NDRG2: variants seen among roughly 807,000 people sequenced by gnomAD.
NDRG2 encodes protein NDRG2.
In NDRG2, 34 loss-of-function variants were observed where a neutral mutation model predicts 58.2. The observed-to-expected ratio is 0.58, with a 90% CI of 0.44 to 0.78. The LOEUF is 0.78. Ranked by LOEUF, NDRG2 falls within the 30% of genes least tolerant of loss-of-function variation. The pLI is 0.00. For synonymous variants in NDRG2, 187 were observed against 175.9 expected (o/e 1.06, Z -0.50); for missense variants, 434 against 471.2 (o/e 0.92, Z 0.73).
intron 1 of NDRG2, among the ~76,000 whole-genome samples, chr14:21,060,871 T>C (rs1309719353): frequency 2.6e-5 from 4 of 152,190 alleles, no homozygotes; most frequent in Admixed American, 6.5e-5. Context: ...GCCCACCTTA[T>C]CCCAGGAACT....
chr14:21,018,982 G>A (rs1402422513), intron 11 of NDRG2, 134 bp downstream of exon 11: 2 of 1,255,560 alleles, frequency 1.6e-6, no homozygotes, highest in East Asian at 2.4e-5. Flanking sequence ...CTAGAGGGAA[G>A]TGATTTACCA....
chr14:21,033,645 G>A lies in NDRG2; in HGVS notation c.25-10324C>T. ...CAAGCTGGAAAGAACCTAGAAGATA[G>A]CACCACTTTGCATGGTGATCAAAGC... On this transcript the variant is annotated intron_variant, in intron 1 of 14. Transcript: ENST00000403829. 3 of 620,228 alleles carry A rather than the reference G, an allele frequency of 4.8e-6. No homozygotes were observed. The South Asian group carries it at 5.7e-5, about 12-fold the overall frequency. 38.4% of individuals were successfully genotyped at this position (620,228 alleles called of 1,614,324 possible).
At chr14:21,041,033 C>G (rs1357364820) in intron 1 of NDRG2, among the ~76,000 whole-genome samples, 1 of 151,714 alleles carries the variant, frequency 6.6e-6, no homozygotes, top group Non-Finnish European at 1.5e-5. Context: ...ACTCTGTGAC[C>G]CAGGCTGGAG....
chr14:21,018,380 C>T (rs8016376), intron 13 of NDRG2, 77 bp downstream of exon 13: 13 of 1,607,052 alleles, frequency 8.1e-6, no homozygotes, highest in Middle Eastern at 1.7e-4. Flanking sequence ...GCTCCCATGC[C>T]GGGCCCTGGA....
Position 21,070,216 on chromosome 14 carries a change from G to A in NDRG2, c.24+612C>T, listed in dbSNP as rs1594537301. On this transcript the variant is annotated intron_variant, in intron 1 of 14. Coordinates refer to the NDRG2 transcript ENST00000403829. This position sits in a 1 kb window ranked among gnomAD's most constrained non-coding sequence, Gnocchi z 4.7. ...GCTGAAGGGCGGGGCGGGGAGGGGC[G>A]GCCGTCTCGGCCCTCCCTGGCGGGG... 4.6e-6 allele frequency: 2 copies of A among 432,844 alleles called. No homozygotes were observed. Among genetic ancestry groups the A allele is most frequent in the Non-Finnish European group, 6.9e-6 (2 of 289,922 alleles). The allele number at this position is 432,844 out of a possible 1,614,324, so 26.8% of individuals were successfully genotyped here.
At chr14:21,066,165 C>T (rs1398572235) in intron 1 of NDRG2, among the ~76,000 whole-genome samples, 1 of 152,068 alleles carries the variant, frequency 6.6e-6, no homozygotes, top group African/African-American at 2.4e-5. Flanking sequence ...TGCAGGGTCA[C>T]TAGTGGCTTA....
At position 21,070,547 on chromosome 14, in the gene NDRG2, G is replaced by A. The variant is rs1187057127; in HGVS notation, c.24+281C>T. 4 of 1,029,708 alleles carry A rather than the reference G, an allele frequency of 3.9e-6. No homozygotes were observed. The highest frequency in any genetic ancestry group is 1.6e-5 in the African/African-American group (1 of 61,758). 63.8% of individuals were successfully genotyped at this position (1,029,708 alleles called of 1,614,324 possible). On this transcript the variant is annotated intron_variant, in intron 1 of 14. Transcript: ENST00000403829. The surrounding 1 kb of genome is among the most constrained non-coding windows in gnomAD (Gnocchi z 4.7). ...TCCTCCCTCCCATCCCCCCTTCTTC[G>A]ATTTGTCTGTCTGCCCGACTGTTTA... is the stretch of plus-strand genomic sequence containing the variant.
At chr14:21,065,664 T>A (rs1002401854) in intron 1 of NDRG2, among the ~76,000 whole-genome samples, 2 of 152,196 alleles carry the variant, frequency 1.3e-5, no homozygotes, top group African/African-American at 4.8e-5. Context: ...CCTTTGAGAC[T>A]GTAACACTTT....
At chr14:21,031,584 C>A (rs984182660) in intron 1 of NDRG2, among the ~76,000 whole-genome samples, 1 of 152,028 alleles carries the variant, frequency 6.6e-6, no homozygotes, top group Non-Finnish European at 1.5e-5. Flanking sequence ...GATATTGAGT[C>A]GGGGAGTGGG....
chr14:21,022,937 C>T (rs1057107804), intron 2 of NDRG2, 32 bp from the exon 3 acceptor site: 1 of 1,613,746 alleles, frequency 6.2e-7, no homozygotes, highest in African/African-American at 1.3e-5. Flanking sequence ...CACACAGAAA[C>T]ACATGACCAT....
chr14:21,018,608 C>G, intron 12 of NDRG2, 104 bp from the exon 13 acceptor site: 1 of 1,556,000 alleles, frequency 6.4e-7, no homozygotes, highest in Non-Finnish European at 8.7e-7. Context: ...TATCAGCTCC[C>G]TACCCAGTTC....
chr14:21,066,326 T>G (rs1195798452), intron 1 of NDRG2, among the ~76,000 whole-genome samples: 9 of 88,546 alleles, frequency 1.0e-4, no homozygotes, highest in Non-Finnish European at 2.6e-5. Context: ...GTTTTTTTTG[T>G]TTTTTTTTTT....
At chr14:21,017,868 G>A in intron 15 of NDRG2, 106 bp from the exon 16 acceptor site, 2 of 1,601,618 alleles carry the variant, frequency 1.2e-6, no homozygotes, top group Non-Finnish European at 1.7e-6. Context: ...AACTAAGCCA[G>A]GGGATCAACG....
At chr14:21,039,951 A>G (rs1884814707) in intron 1 of NDRG2, among the ~76,000 whole-genome samples, 1 of 152,230 alleles carries the variant, frequency 6.6e-6, no homozygotes, top group South Asian at 2.1e-4. Context: ...GATAATGAGA[A>G]GTAGAAAGGA....
rs1317751042 is a variant in NDRG2 at position 21,068,161 on chromosome 14, G to A, written c.24+2667C>T. On this transcript the variant is annotated intron_variant, in intron 1 of 14. Transcript: ENST00000403829. ...ACTACAGGCGCCCGCTACCACGCCC[G>A]GCTAATTTTTTGTATTTTTAGTAGA... Among the ~76,000 whole-genome samples the A allele has an allele frequency of 4.1e-5, 2 of 48,846 alleles. 1 individual carries two copies. The highest frequency in any genetic ancestry group is 1.2e-4 in the Non-Finnish European group (2 of 16,766). 32.0% of individuals were successfully genotyped at this position (48,846 alleles called of 152,430 possible).
At chr14:21,055,984 C>T (rs1449545699) in intron 1 of NDRG2, among the ~76,000 whole-genome samples, 4 of 151,996 alleles carry the variant, frequency 2.6e-5, no homozygotes, top group Non-Finnish European at 4.4e-5. Context: ...GAGGAGTGCA[C>T]GAAGGGATCC....
At chr14:21,031,528 C>G (rs1884145207) in intron 1 of NDRG2, among the ~76,000 whole-genome samples, 1 of 152,194 alleles carries the variant, frequency 6.6e-6, no homozygotes, top group Non-Finnish European at 1.5e-5. Flanking sequence ...CTCACCTACT[C>G]CCTTTTTTAA....
chr14:21,033,679 T>C, intron 1 of NDRG2: 1 of 680,858 alleles, frequency 1.5e-6, no homozygotes, highest in South Asian at 1.7e-5. Flanking sequence ...GCCCTGGACA[T>C]TTTCGCACCC....
chr14:21,018,242 G>A lies in NDRG2; in HGVS notation c.862-3C>T. On this transcript the variant is annotated splice_region_variant and splice_polypyrimidine_tract_variant and intron_variant, in intron 13 of 15. Coordinates refer to ENST00000556147, the MANE Select transcript of NDRG2 (RefSeq NM_001320329.2). Reference sequence around the variant, plus strand: ...GGCTGACCTCCGGAGTCAGCCATCTGTTCAGGAGAGCACCACCCAGAAAAA... The same window carrying A: ...GGCTGACCTCCGGAGTCAGCCATCTATTCAGGAGAGCACCACCCAGAAAAA... 6.2e-7 allele frequency: 1 copy of A among 1,613,694 alleles called. No homozygotes were observed. The highest frequency in any genetic ancestry group is 8.5e-7 in the Non-Finnish European group (1 of 1,180,020).
Sources: allele counts gnomAD v4.1 joint callset (sites outside exome capture counted in the v4.1 genomes callset), GRCh38; gene constraint gnomAD v4.1.1; non-coding constraint Gnocchi (gnomAD v3.1); transcripts MANE v1.5; gene names NCBI Gene and HGNC (gene_info 2026-07-23, HGNC 2026-07-21).